ZNF148: variants seen among roughly 807,000 people sequenced by gnomAD.
ZNF148 encodes Beta-Enolase Repressor Factor-1.
ZNF148 carries 7 observed loss-of-function variants against 67.7 expected under a neutral mutation model. That is an observed-to-expected ratio of 0.10 (90% CI 0.06 to 0.19). The LOEUF (loss-of-function observed/expected upper bound fraction) is 0.19. ZNF148 is among the 10% of genes least tolerant of loss of function. The pLI is 1.00. For synonymous variants in ZNF148, 333 were observed against 330.7 expected, an observed-to-expected ratio of 1.01 and a Z score of -0.08; for missense variants, 583 against 947.1, an observed-to-expected ratio of 0.62 and a Z score of 5.05.
At chr3:125,259,888 T>C (rs977025976) in intron 7 of ZNF148, among the ~76,000 whole-genome samples, 1 of 152,194 alleles carries the variant, frequency 6.6e-6, no homozygotes, top group Admixed American at 6.5e-5. Flanking sequence ...AGCTTAATCA[T>C]TTCTAGCTTT....
chr3:125,373,271 CAT>C (rs1057038815), intron 1 of ZNF148, among the ~76,000 whole-genome samples: 6 of 150,030 alleles, frequency 4.0e-5, no homozygotes, highest in African/African-American at 1.5e-4. Context: ...TGGGGTTTCA[CAT>C]AGTGATGGGG....
At chr3:125,344,064 T>C (rs1941844102) in intron 1 of ZNF148, 1 of 184,626 alleles carries the variant, frequency 5.4e-6, no homozygotes. Flanking sequence ...TTCTGTTAAA[T>C]GCACGCATTA....
chr3:125,239,010 G>A (rs1936223214), intron 7 of ZNF148, among the ~76,000 whole-genome samples: 2 of 152,154 alleles, frequency 1.3e-5, no homozygotes, highest in African/African-American at 4.8e-5. Flanking sequence ...AGATACAAAA[G>A]GGCAAATGTG....
chr3:125,300,598 T>C (rs1939534913), intron 4 of ZNF148, among the ~76,000 whole-genome samples: 1 of 152,338 alleles, frequency 6.6e-6, no homozygotes, highest in East Asian at 1.9e-4. Flanking sequence ...TGCTGCTTTA[T>C]AGCACAAAAA....
chr3:125,316,224 C>A (rs1181781634), intron 3 of ZNF148, among the ~76,000 whole-genome samples: 1 of 152,152 alleles, frequency 6.6e-6, no homozygotes, highest in Non-Finnish European at 1.5e-5. Context: ...TGCATATGTA[C>A]ATTTTCTTTA....
intron 4 of ZNF148, among the ~76,000 whole-genome samples, chr3:125,307,210 C>CATA (rs1254241453): frequency 6.6e-6 from 1 of 152,104 alleles, no homozygotes; most frequent in Non-Finnish European, 1.5e-5. Flanking sequence ...TGAAAATCAG[C>CATA]ATAATTCACC....
At chr3:125,345,979 T>C (rs548737243) in intron 1 of ZNF148, among the ~76,000 whole-genome samples, 15 of 152,220 alleles carry the variant, frequency 9.9e-5, no homozygotes, top group Non-Finnish European at 1.8e-4. Context: ...TCAACTCATT[T>C]TATGAGATCA....
chr3:125,338,443 T>C (rs1941583252), intron 1 of ZNF148, among the ~76,000 whole-genome samples: 1 of 152,024 alleles, frequency 6.6e-6, no homozygotes, highest in Non-Finnish European at 1.5e-5. Context: ...TAACACTTCA[T>C]TTAACTTTGA....
At chr3:125,308,035 G>A (rs759917921) in intron 4 of ZNF148, among the ~76,000 whole-genome samples, 14 of 152,010 alleles carry the variant, frequency 9.2e-5, no homozygotes, top group Non-Finnish European at 1.6e-4. Context: ...TACTTGCATC[G>A]CTTCTATTCA....
At chr3:125,333,414 C>T (rs1941368342) in intron 1 of ZNF148, among the ~76,000 whole-genome samples, 2 of 152,248 alleles carry the variant, frequency 1.3e-5, no homozygotes, top group South Asian at 4.1e-4. Flanking sequence ...CCCACAATTT[C>T]CCCCAAGTCA....
At chr3:125,274,659 A>C (rs1239979403) in intron 7 of ZNF148, among the ~76,000 whole-genome samples, 1 of 152,204 alleles carries the variant, frequency 6.6e-6, no homozygotes, top group Non-Finnish European at 1.5e-5. Flanking sequence ...CAAGCAAGTA[A>C]TGATTTTTAA....
intron 1 of ZNF148, among the ~76,000 whole-genome samples, chr3:125,368,764 G>A (rs1049977559): frequency 2.6e-5 from 4 of 151,954 alleles, no homozygotes; most frequent in African/African-American, 9.7e-5. Context: ...GGCCAACACG[G>A]CGAAACCCCA....
intron 4 of ZNF148, among the ~76,000 whole-genome samples, chr3:125,296,744 T>C (rs956351134): frequency 6.6e-6 from 1 of 152,050 alleles, no homozygotes; most frequent in Non-Finnish European, 1.5e-5. Flanking sequence ...TACCCAATAA[T>C]AAAGAAATAG....
At position 125,251,627 on chromosome 3, in the gene ZNF148, T is replaced by C. The variant is rs1936845918; in HGVS notation, c.668-17298A>G. On this transcript the variant is annotated intron_variant, in intron 7 of 8. Coordinates refer to ENST00000360647, the MANE Select transcript of ZNF148 (RefSeq NM_021964.3). ...CTTTTGTGTCTTTTAGTCAATGTTATGCTTGTAAGATTAACCCACAATGAT... is the reference window on the plus strand; with the variant it reads ...CTTTTGTGTCTTTTAGTCAATGTTACGCTTGTAAGATTAACCCACAATGAT... 1.3e-5 allele frequency among the ~76,000 whole-genome samples: 2 copies of C among 152,234 alleles called. 1 individual carries two copies. The highest frequency in any genetic ancestry group is 4.1e-4 in the South Asian group (2 of 4,830).
chr3:125,321,996 CA>C (rs990307279), intron 3 of ZNF148, among the ~76,000 whole-genome samples: 1 of 135,384 alleles, frequency 7.4e-6, no homozygotes, highest in Non-Finnish European at 1.6e-5. Context: ...AGAACAACAA[CA>C]AAAAAGTTAA....
In ZNF148 at chr3:125,279,104, C is replaced by T; in HGVS notation, c.583+20G>A. 6.3e-7 allele frequency: 1 copy of T among 1,581,272 alleles called. No homozygotes were observed. The highest frequency in any genetic ancestry group is 1.2e-5 in the South Asian group (1 of 83,216). ...ATAATAACTTTAATGGCCACAAGCC[C>T]ATTTTAATTCAAGAAATACCTGTAT... On this transcript the variant is annotated intron_variant, in intron 6 of 8. Transcript: ENST00000360647.
chr3:125,342,244 A>G (rs971067974), intron 1 of ZNF148, among the ~76,000 whole-genome samples: 1 of 152,142 alleles, frequency 6.6e-6, no homozygotes, highest in African/African-American at 2.4e-5. Flanking sequence ...CAAATTTAGG[A>G]ACACTAACTT....
intron 3 of ZNF148, among the ~76,000 whole-genome samples, chr3:125,314,346 G>T (rs1237601846): frequency 6.6e-6 from 1 of 152,116 alleles, no homozygotes; most frequent in Non-Finnish European, 1.5e-5. Context: ...AATTTATCTT[G>T]ATGAAATAAA....
At chr3:125,254,346 C>G (rs1936976444) in intron 7 of ZNF148, among the ~76,000 whole-genome samples, 1 of 152,080 alleles carries the variant, frequency 6.6e-6, no homozygotes, top group African/African-American at 2.4e-5. Flanking sequence ...ATAATGTGTA[C>G]TTGGTTACTG....
Sources: gnomAD v4.1 joint callset for allele counts (sites outside exome capture counted in the v4.1 genomes callset) on GRCh38, gnomAD v4.1.1 for gene constraint, MANE v1.5 for transcripts, NCBI Gene and HGNC (gene_info 2026-07-23, HGNC 2026-07-21) for gene names.